EDAR: variants seen among roughly 807,000 people sequenced by gnomAD.
EDAR encodes the protein ectodysplasin A receptor.
EDAR carries 38 observed loss-of-function variants against 51.3 expected under a neutral mutation model. The ratio of observed to expected loss-of-function variants is 0.74; its 90% CI spans 0.57 to 0.97. The LOEUF is 0.97. EDAR is among the 50% of genes least tolerant of loss of function. The pLI is 0.00. For synonymous variants in EDAR, 227 were observed against 242.1 expected, an observed-to-expected ratio of 0.94 and a Z score of 0.58; for missense variants, 528 against 595.0, an observed-to-expected ratio of 0.89 and a Z score of 1.17.
At chr2:108,913,056 C>G (rs1696958665) in intron 5 of EDAR, among the ~76,000 whole-genome samples, 2 of 151,286 alleles carry the variant, frequency 1.3e-5, no homozygotes, top group African/African-American at 4.9e-5. Context: ...TGACGCCATT[C>G]TCCTGTCTCA....
chr2:108,949,396 G>A (rs1459293137), intron 1 of EDAR, among the ~76,000 whole-genome samples: 1 of 152,154 alleles, frequency 6.6e-6, no homozygotes, highest in African/African-American at 2.4e-5. Flanking sequence ...TTCAGTCAGT[G>A]GGAAGATACG....
At chr2:108,953,006 T>A (rs1404304004) in intron 1 of EDAR, among the ~76,000 whole-genome samples, 1 of 152,234 alleles carries the variant, frequency 6.6e-6, no homozygotes, top group Admixed American at 6.5e-5. Context: ...TTAATTTTTG[T>A]GTGTATGTAG....
intron 1 of EDAR, among the ~76,000 whole-genome samples, chr2:108,948,474 T>A (rs1697757362): frequency 6.6e-6 from 1 of 152,244 alleles, no homozygotes; most frequent in Non-Finnish European, 1.5e-5. Flanking sequence ...CACACTGCTA[T>A]AAAGATACTA....
intron 1 of EDAR, among the ~76,000 whole-genome samples, chr2:108,980,958 G>C (rs1441601991): frequency 1.6e-5 from 2 of 127,336 alleles, no homozygotes; most frequent in Non-Finnish European, 3.4e-5. Context: ...AGGAAAGACA[G>C]GGACCTCTGA....
intron 6 of EDAR, 39 bp downstream of exon 6, chr2:108,912,639 C>T (rs377530131): frequency 1.3e-6 from 2 of 1,535,206 alleles, no homozygotes; most frequent in Non-Finnish European, 8.9e-7. Flanking sequence ...CCGAGTACCA[C>T]CTAACTCCAG....
chr2:108,941,069 T>C (rs954099833), intron 1 of EDAR, among the ~76,000 whole-genome samples: 1 of 152,150 alleles, frequency 6.6e-6, no homozygotes, highest in African/African-American at 2.4e-5. Flanking sequence ...TAAACCGATT[T>C]TGCCTGTTCT....
rs111392918 is a variant in EDAR at position 108,911,188 on chromosome 2, C to T, written c.530-116G>A. On this transcript the variant is annotated intron_variant, in intron 6 of 11. Coordinates refer to ENST00000258443, the MANE Select transcript of EDAR (RefSeq NM_022336.4). ...TGCCCCTGGGATGCTTTCAGGGAAC[C>T]CTGAAATCTGAGGTGCTTGCTTAGA... The T allele has an allele frequency of 8.4e-4, 1,114 of 1,321,438 alleles. 1 individual carries two copies. Among genetic ancestry groups the T allele is most frequent in the Non-Finnish European group, 1.1e-3 (1,021 of 926,104 alleles). 81.9% of individuals were successfully genotyped at this position (1,321,438 alleles called of 1,614,324 possible). A position where few individuals can be genotyped will look rare whatever the true frequency, so the allele number is the denominator to read the frequency against.
intron 1 of EDAR, among the ~76,000 whole-genome samples, chr2:108,934,818 G>A (rs796446165): frequency 6.6e-6 from 1 of 152,174 alleles, no homozygotes; most frequent in Non-Finnish European, 1.5e-5. Context: ...CTGTTCACTG[G>A]GGATTAAGGG....
At chr2:108,910,696 G>C (rs1287936655) in intron 8 of EDAR, 80 bp downstream of exon 8, 6 of 1,503,788 alleles carry the variant, frequency 4.0e-6, no homozygotes, top group Non-Finnish European at 5.5e-6. Context: ...CAGAAGCAGC[G>C]AGGAGGCTGC....
At chr2:108,955,514 G>A (rs1247584947) in intron 1 of EDAR, among the ~76,000 whole-genome samples, 6 of 152,156 alleles carry the variant, frequency 3.9e-5, no homozygotes, top group Non-Finnish European at 5.9e-5. Context: ...CTGGGAGGCC[G>A]TGGTGGGCAG....
chr2:108,907,368 G>A (rs1021767676), intron 10 of EDAR, among the ~76,000 whole-genome samples: 13 of 152,120 alleles, frequency 8.5e-5, no homozygotes, highest in African/African-American at 3.1e-4. Flanking sequence ...CAAAGTGGCT[G>A]GGCGTGGTAG....
intron 1 of EDAR, among the ~76,000 whole-genome samples, chr2:108,950,041 G>A (rs1300119230): frequency 6.6e-6 from 1 of 152,222 alleles, no homozygotes; most frequent in Admixed American, 6.5e-5. Context: ...ACTGAGTGCG[G>A]CCTGGGCATG....
At position 108,929,072 on chromosome 2, in the gene EDAR, G is replaced by T. The variant is rs962931326; in HGVS notation, c.356+126C>A. The T allele has an allele frequency of 1.1e-5, 12 of 1,128,956 alleles. No individual in the cohort carries two copies. The African/African-American group carries it at 1.2e-4, about 12-fold the overall frequency. The allele number at this position is 1,128,956 out of a possible 1,614,324, so 69.9% of individuals were successfully genotyped here. On this transcript the variant is annotated intron_variant, in intron 4 of 11. Transcript: ENST00000258443. ...CTGCTCCTTGTGGGATGGGACCAAG[G>T]CCAGGTGTGCGGCTGCACCGAGGCC...
intron 1 of EDAR, among the ~76,000 whole-genome samples, chr2:108,970,344 A>G (rs1212168260): frequency 6.6e-6 from 1 of 152,174 alleles, no homozygotes; most frequent in African/African-American, 2.4e-5. Flanking sequence ...CAGGACTATT[A>G]ATCTGCAAAT....
At position 108,974,721 on chromosome 2, in the gene EDAR, C is replaced by T. The variant is rs148621251; in HGVS notation, c.-19+14239G>A. Among the ~76,000 whole-genome samples the T allele has an allele frequency of 8.0e-3, 1,218 of 151,898 alleles. 6 individuals are homozygous for T. Among genetic ancestry groups the T allele is most frequent in the Non-Finnish European group, 0.014 (918 of 67,904 alleles). On this transcript the variant is annotated intron_variant, in intron 1 of 11. Transcript: ENST00000258443. ...CTCCACCCTGGGTGACAGAGCAAGA[C>T]TCCATCTCAAAAAAAAAAAGATACT...
At chr2:108,913,509 C>G (rs1177413977) in intron 5 of EDAR, among the ~76,000 whole-genome samples, 1 of 151,958 alleles carries the variant, frequency 6.6e-6, no homozygotes, top group Non-Finnish European at 1.5e-5. Context: ...TATATGCTCA[C>G]TATTAAAAAT....
rs562038358 is a variant in EDAR, at chr2:108,904,667, T to C, written c.1024+1641A>G. Among the ~76,000 whole-genome samples the C allele has an allele frequency of 4.6e-5, 7 of 152,318 alleles. No homozygotes were observed. In the East Asian group the frequency reaches 1.4e-3, roughly 29 times the overall value. On this transcript the variant is annotated intron_variant, in intron 11 of 11. Transcript: ENST00000258443. ...TGGACTATTGATACATGCAACAACC[T>C]GGATGGACCTCCAGTGAATTATGCT... is the stretch of plus-strand genomic sequence containing the variant.
intron 1 of EDAR, among the ~76,000 whole-genome samples, chr2:108,970,355 G>T (rs956374429): frequency 6.6e-6 from 1 of 152,192 alleles, no homozygotes; most frequent in Non-Finnish European, 1.5e-5. Context: ...ATCTGCAAAT[G>T]GTGTGTAAAG....
Position 108,933,771 on chromosome 2 carries a change from C to T in EDAR, c.-18-2739G>A, listed in dbSNP as rs142450099. Among the ~76,000 whole-genome samples, 221 of 146,358 alleles carry T rather than the reference C, an allele frequency of 1.5e-3. 1 individual carries two copies. Among genetic ancestry groups the T allele is most frequent in the African/African-American group, 5.3e-3 (203 of 38,218 alleles). ...GCTGGGGCAGGCAGCGACGGGAGATCGGGGTGGCGGGGAGGCAAGGGCGAC... is the reference window on the plus strand; with the variant it reads ...GCTGGGGCAGGCAGCGACGGGAGATTGGGGTGGCGGGGAGGCAAGGGCGAC... On this transcript the variant is annotated intron_variant, in intron 1 of 11. Transcript: ENST00000258443.
Sources: allele counts gnomAD v4.1 joint callset (sites outside exome capture counted in the v4.1 genomes callset), GRCh38; gene constraint gnomAD v4.1.1; transcripts MANE v1.5; gene names NCBI Gene and HGNC (gene_info 2026-07-23, HGNC 2026-07-21).